CDH12: variants seen among roughly 807,000 people sequenced by gnomAD.
CDH12 encodes the protein cadherin 12.
CDH12 carries 41 observed loss-of-function variants against 74.1 expected under a neutral mutation model. The ratio of observed to expected loss-of-function variants is 0.55; its 90% CI spans 0.43 to 0.72. CDH12 has a LOEUF of 0.72. Among genes scored for constraint, CDH12 ranks in the 30% least tolerant of loss-of-function variants. The probability of loss-of-function intolerance (pLI) is 0.00; values close to 1 mark genes in which losing one functional copy is unlikely to be tolerated. For synonymous variants in CDH12, 399 were observed against 355.0 expected (o/e 1.12, Z -1.39); for missense variants, 945 against 977.2 (o/e 0.97, Z 0.44).
intron 1 of CDH12, among the ~76,000 whole-genome samples, chr5:22,696,555 TAATA>T (rs1207835306): frequency 6.6e-6 from 1 of 152,134 alleles, no homozygotes; most frequent in Non-Finnish European, 1.5e-5. Context: ...TTAAAAAGAC[TAATA>T]TATATTTTTT....
intron 3 of CDH12, among the ~76,000 whole-genome samples, chr5:22,379,443 C>T (rs910365724): frequency 2.6e-5 from 4 of 152,038 alleles, no homozygotes; most frequent in Admixed American, 2.0e-4. Flanking sequence ...TTCCAAGTTA[C>T]GTATTGGACA....
chr5:22,538,578 G>A (rs1244021588), intron 1 of CDH12, among the ~76,000 whole-genome samples: 1 of 152,216 alleles, frequency 6.6e-6, no homozygotes, highest in East Asian at 1.9e-4. Flanking sequence ...ATTGCCAAAT[G>A]TTCCGTGGGG....
intron 4 of CDH12, among the ~76,000 whole-genome samples, chr5:22,133,473 G>A (rs1053040319): frequency 6.6e-6 from 1 of 152,096 alleles, no homozygotes; most frequent in Middle Eastern, 3.2e-3. Context: ...CAGCCTTTCT[G>A]AGGCACTGAA....
At chr5:22,808,968 G>A (rs748197581) in intron 1 of CDH12, among the ~76,000 whole-genome samples, 57 of 151,544 alleles carry the variant, frequency 3.8e-4, no homozygotes, top group Non-Finnish European at 7.2e-4. Flanking sequence ...AGGTTGAGGG[G>A]CATATGCAAT....
intron 6 of CDH12, among the ~76,000 whole-genome samples, chr5:21,879,868 A>G (rs1752148294): frequency 6.6e-6 from 1 of 152,198 alleles, no homozygotes; most frequent in Non-Finnish European, 1.5e-5. Context: ...TCACAAGAGG[A>G]TTCGGAATAT....
At chr5:22,352,152 C>T (rs569839038) in intron 3 of CDH12, among the ~76,000 whole-genome samples, 1 of 151,224 alleles carries the variant, frequency 6.6e-6, no homozygotes, top group South Asian at 2.1e-4. Flanking sequence ...TTTGGAAACC[C>T]AGCAGACTTT....
chr5:21,932,835 T>A (rs1754905388), intron 6 of CDH12, among the ~76,000 whole-genome samples: 1 of 150,904 alleles, frequency 6.6e-6, no homozygotes, highest in South Asian at 2.1e-4. Context: ...TAGTAGCAAA[T>A]GTTGCAATAC....
chr5:22,133,159 A>T (rs1011733835), intron 4 of CDH12, among the ~76,000 whole-genome samples: 2 of 152,122 alleles, frequency 1.3e-5, no homozygotes, highest in African/African-American at 4.8e-5. Flanking sequence ...TTTTTCTTCT[A>T]TAAGAAATGA....
intron 2 of CDH12, among the ~76,000 whole-genome samples, chr5:22,440,405 A>G (rs1395779652): frequency 6.6e-6 from 1 of 152,132 alleles, no homozygotes; most frequent in African/African-American, 2.4e-5. Context: ...TAATAGCCAT[A>G]ATACCTCTAA....
At chr5:22,003,751 T>G (rs1215485229) in intron 5 of CDH12, among the ~76,000 whole-genome samples, 1 of 135,786 alleles carries the variant, frequency 7.4e-6, no homozygotes, top group Admixed American at 8.6e-5. Flanking sequence ...AGACCCATCT[T>G]CATAGTCAAT....
chr5:22,774,371 G>C (rs552441002), intron 1 of CDH12, among the ~76,000 whole-genome samples: 5 of 152,160 alleles, frequency 3.3e-5, no homozygotes, highest in African/African-American at 4.8e-5. Flanking sequence ...ATTAAAGCAG[G>C]AACAGAAAAC....
At chr5:22,153,938 A>G (rs1747822516) in intron 4 of CDH12, among the ~76,000 whole-genome samples, 1 of 146,246 alleles carries the variant, frequency 6.8e-6, no homozygotes, top group South Asian at 2.1e-4. Context: ...AAACATATAT[A>G]TGTATATATG....
rs1747313993 is a variant in CDH12, at chr5:22,501,096, ATCCTC to A, written c.-428+4169_-428+4173del. Among the ~76,000 whole-genome samples, 6 of 152,278 alleles carry A rather than the reference ATCCTC, an allele frequency of 3.9e-5. No homozygotes were observed. The South Asian group carries it at 1.2e-3, about 32-fold the overall frequency. ...TTAAAGGCAGAAAGAAAAAAAAAAG[ATCCTC>A]TATTTATTTATATCTTTCATCTTTA... On this transcript the variant is annotated intron_variant, in intron 2 of 14. Transcript: ENST00000382254.
At chr5:22,386,787 A>G (rs926423645) in intron 3 of CDH12, among the ~76,000 whole-genome samples, 140 of 152,106 alleles carry the variant, frequency 9.2e-4, no homozygotes, top group African/African-American at 3.3e-3. Flanking sequence ...TAATATGATG[A>G]TAGGTTATAT....
At chr5:22,332,801 A>G (rs922559964) in intron 3 of CDH12, among the ~76,000 whole-genome samples, 1 of 152,208 alleles carries the variant, frequency 6.6e-6, no homozygotes, top group African/African-American at 2.4e-5. Context: ...GCGATTATTA[A>G]AAAATCAAGA....
chr5:22,028,595 C>T (rs533198330), intron 5 of CDH12, among the ~76,000 whole-genome samples: 39 of 152,072 alleles, frequency 2.6e-4, no homozygotes, highest in South Asian at 6.2e-4. Context: ...CAAACCACTG[C>T]TCAATGAAAT....
intron 5 of CDH12, among the ~76,000 whole-genome samples, chr5:21,995,844 T>C (rs2150139526): frequency 6.6e-6 from 1 of 152,198 alleles, no homozygotes; most frequent in East Asian, 1.9e-4. Flanking sequence ...TACTGCTGTA[T>C]TTTTAGTTTA....
chr5:22,368,466 A>AT (rs11445293), intron 3 of CDH12, among the ~76,000 whole-genome samples: 94,803 of 135,302 alleles, frequency 0.7, 33,547 homozygotes, highest in East Asian at 0.78. Flanking sequence ...AGTCTGGCTA[A>AT]TTTTTTTTTT....
intron 1 of CDH12, among the ~76,000 whole-genome samples, chr5:22,542,710 T>A (rs766138721): frequency 7.9e-5 from 12 of 152,120 alleles, no homozygotes; most frequent in Non-Finnish European, 1.5e-4. Flanking sequence ...CAATGTAAGA[T>A]GTGAAAAAAA....
Sources: gnomAD v4.1 joint callset for allele counts (sites outside exome capture counted in the v4.1 genomes callset) on GRCh38, gnomAD v4.1.1 for gene constraint, MANE v1.5 for transcripts, NCBI Gene and HGNC (gene_info 2026-07-23, HGNC 2026-07-21) for gene names.